DLGAP2: variants seen among roughly 807,000 people sequenced by gnomAD.
DLGAP2 encodes DLG associated protein 2.
In DLGAP2, 26 loss-of-function variants were observed where a neutral mutation model predicts 100.3. That is an observed-to-expected ratio of 0.26 (90% confidence interval 0.19 to 0.36). DLGAP2 has a LOEUF of 0.36. Among genes scored for constraint, DLGAP2 ranks in the 10% least tolerant of loss-of-function variants. The pLI is 1.00. For synonymous variants in DLGAP2, 886 were observed against 630.1 expected, an observed-to-expected ratio of 1.41 and a Z score of -6.08; for missense variants, 1,858 against 1,453.2, an observed-to-expected ratio of 1.28 and a Z score of -4.53.
chr8:1,213,777 C>A (rs371537994), intron 2 of DLGAP2, among the ~76,000 whole-genome samples: 3 of 152,354 alleles, frequency 2.0e-5, no homozygotes, highest in African/African-American at 7.2e-5. Flanking sequence ...CAGCATCCAT[C>A]TTTCCAGTGG....
At chr8:1,207,375 C>T (rs1798018697) in intron 2 of DLGAP2, among the ~76,000 whole-genome samples, 2 of 152,178 alleles carry the variant, frequency 1.3e-5, no homozygotes, top group Non-Finnish European at 2.9e-5. Flanking sequence ...TAATGGTCTC[C>T]AACTCCATCC....
chr8:1,235,451 A>G (rs929818411), intron 2 of DLGAP2, among the ~76,000 whole-genome samples: 214 of 151,172 alleles, frequency 1.4e-3, no homozygotes, highest in African/African-American at 3.8e-3. Flanking sequence ...CGTCGTGTCT[A>G]GTTCCCTCTC....
At chr8:857,123 G>A (rs2128988911) in intron 1 of DLGAP2, among the ~76,000 whole-genome samples, 1 of 152,326 alleles carries the variant, frequency 6.6e-6, no homozygotes, top group South Asian at 2.1e-4. Context: ...ATGGAGAGAG[G>A]ATGCTCTTAT....
At chr8:980,629 C>G (rs1800304327) in intron 2 of DLGAP2, among the ~76,000 whole-genome samples, 1 of 152,114 alleles carries the variant, frequency 6.6e-6, no homozygotes, top group Non-Finnish European at 1.5e-5. Context: ...AGAGGTGAAT[C>G]CAGGTGGGCA....
chr8:903,200 C>G (rs1798298761), intron 1 of DLGAP2, among the ~76,000 whole-genome samples: 1 of 151,954 alleles, frequency 6.6e-6, no homozygotes, highest in African/African-American at 2.4e-5. Flanking sequence ...TGGAGGCAGT[C>G]ACAGGTTGGT....
At chr8:1,052,657 T>A (rs555346345) in intron 2 of DLGAP2, among the ~76,000 whole-genome samples, 5 of 152,296 alleles carry the variant, frequency 3.3e-5, no homozygotes, top group South Asian at 4.1e-4. Context: ...AGATGTTGCA[T>A]TGGCCTAGTA....
chr8:1,555,884 G>C (rs778162255), intron 5 of DLGAP2, among the ~76,000 whole-genome samples: 10 of 152,236 alleles, frequency 6.6e-5, no homozygotes, highest in Non-Finnish European at 1.3e-4. Context: ...AAATCTTTCT[G>C]CCTCTTCAAT....
At chr8:974,668 C>G (rs1449857309) in intron 2 of DLGAP2, among the ~76,000 whole-genome samples, 1 of 152,092 alleles carries the variant, frequency 6.6e-6, no homozygotes, top group African/African-American at 2.4e-5. Flanking sequence ...AAGAAGAAGT[C>G]TCAAGATAAA....
intron 3 of DLGAP2, among the ~76,000 whole-genome samples, chr8:1,326,959 A>C (rs1385405637): frequency 6.6e-6 from 1 of 152,242 alleles, no homozygotes; most frequent in Non-Finnish European, 1.5e-5. Context: ...TAGCCAGCAT[A>C]AAATGTCTTG....
chr8:1,289,531 C>T (rs892733912), intron 3 of DLGAP2, among the ~76,000 whole-genome samples: 1 of 152,200 alleles, frequency 6.6e-6, no homozygotes, highest in Non-Finnish European at 1.5e-5. Flanking sequence ...AAAGCTCATA[C>T]CTTGCTCCTT....
At chr8:1,042,318 C>T (rs1802377245) in intron 2 of DLGAP2, among the ~76,000 whole-genome samples, 1 of 152,230 alleles carries the variant, frequency 6.6e-6, no homozygotes, top group Non-Finnish European at 1.5e-5. Flanking sequence ...AGAAAATCAA[C>T]AACGTGCCTA....
chr8:1,218,019 G>T (rs536631798), intron 2 of DLGAP2, among the ~76,000 whole-genome samples: 33 of 152,198 alleles, frequency 2.2e-4, no homozygotes, highest in African/African-American at 7.7e-4. Flanking sequence ...GGGTAGATTT[G>T]CAGATATTTT....
At chr8:990,328 A>G (rs1800628507) in intron 2 of DLGAP2, among the ~76,000 whole-genome samples, 1 of 143,856 alleles carries the variant, frequency 7.0e-6, no homozygotes. Context: ...GCACCCCCAT[A>G]CTCGGAGTTC....
rs531941437 is a variant in DLGAP2 at position 1,138,937 on chromosome 8, G to C, written c.74-119914G>C. On this transcript the variant is annotated intron_variant, in intron 2 of 14. Transcript: ENST00000637795. ...TTTATTTACTTGTCCTGGCCTGTGC[G>C]GCTGGTGGGAAACTCTTCCTGTTTA... Among the ~76,000 whole-genome samples the C allele has an allele frequency of 9.5e-4, 145 of 151,932 alleles. 4 individuals are homozygous for C. Among genetic ancestry groups the C allele is most frequent in the Non-Finnish European group, 9.0e-4 (61 of 67,910 alleles).
intron 3 of DLGAP2, among the ~76,000 whole-genome samples, chr8:1,494,116 A>G (rs568174897): frequency 1.3e-5 from 2 of 152,364 alleles, no homozygotes; most frequent in Admixed American, 1.3e-4. Flanking sequence ...CAGGGCCCAC[A>G]CACAGTGGAC....
intron 2 of DLGAP2, among the ~76,000 whole-genome samples, chr8:1,252,955 A>G (rs1330280333): frequency 6.6e-6 from 1 of 152,132 alleles, no homozygotes; most frequent in African/African-American, 2.4e-5. Flanking sequence ...AATTAGTGCA[A>G]TTGTCACAGC....
chr8:1,095,201 T>C (rs1804327992), intron 2 of DLGAP2, among the ~76,000 whole-genome samples: 1 of 152,204 alleles, frequency 6.6e-6, no homozygotes, highest in Non-Finnish European at 1.5e-5. Context: ...TTACTTGTCA[T>C]TTTTAAATTG....
chr8:1,436,711 C>G (rs1490779972), intron 3 of DLGAP2, among the ~76,000 whole-genome samples: 1 of 152,294 alleles, frequency 6.6e-6, no homozygotes, highest in South Asian at 2.1e-4. Context: ...GCCGCGCATT[C>G]ACTCCCCACT....
chr8:1,517,768 G>A (rs564198959), intron 4 of DLGAP2, among the ~76,000 whole-genome samples: 8 of 152,298 alleles, frequency 5.3e-5, no homozygotes, highest in South Asian at 2.1e-4. Flanking sequence ...GCAAGAAGTC[G>A]ATGTCCAGCT....
Sources: allele counts gnomAD v4.1 joint callset (sites outside exome capture counted in the v4.1 genomes callset), GRCh38; gene constraint gnomAD v4.1.1; transcripts MANE v1.5; gene names NCBI Gene and HGNC (gene_info 2026-07-23, HGNC 2026-07-21).